ABCG2: variants seen among roughly 807,000 people sequenced by gnomAD.
ABCG2 encodes the protein ATP binding cassette subfamily G member 2 (JR blood group).
In ABCG2, 80 loss-of-function variants were observed where a neutral mutation model predicts 73.5. That is an observed-to-expected ratio of 1.09 (90% CI 0.91 to 1.31). ABCG2 has a LOEUF of 1.31. Ranked by LOEUF, ABCG2 falls within the 50% of genes most tolerant of loss-of-function variation. The pLI, the probability that ABCG2 is intolerant of heterozygous loss-of-function variation, is 0.00. For synonymous variants in ABCG2, 269 were observed against 282.4 expected (o/e 0.95, Z 0.48); for missense variants, 796 against 786.2 (o/e 1.01, Z -0.15).
intron 7 of ABCG2, 103 bp from the exon 8 acceptor site, chr4:88,115,161 C>A: frequency 1.5e-5 from 10 of 678,156 alleles, no homozygotes; most frequent in South Asian, 4.0e-5. Context: ...AAGACAGAAT[C>A]TAATGACTTT....
At chr4:88,191,266 C>T (rs1428477195) in intron 1 of ABCG2, among the ~76,000 whole-genome samples, 13 of 142,578 alleles carry the variant, frequency 9.1e-5, no homozygotes, top group Admixed American at 7.7e-4. Flanking sequence ...AGTGAGACTC[C>T]GTCTCAAAAA....
At chr4:88,113,592 T>C in intron 8 of ABCG2, 39 bp from the exon 9 acceptor site, 12 of 1,596,532 alleles carry the variant, frequency 7.5e-6, no homozygotes, top group Non-Finnish European at 1.0e-5. Flanking sequence ...ACAAACAAGA[T>C]AACAACAAAT....
intron 1 of ABCG2, among the ~76,000 whole-genome samples, chr4:88,185,947 A>C (rs904241066): frequency 2.6e-5 from 4 of 152,194 alleles, no homozygotes; most frequent in African/African-American, 9.6e-5. Context: ...AATAGTTTGG[A>C]GGTTTCTCAA....
At chr4:88,185,960 A>C (rs565335107) in intron 1 of ABCG2, among the ~76,000 whole-genome samples, 7 of 152,324 alleles carry the variant, frequency 4.6e-5, no homozygotes, top group Admixed American at 2.0e-4. Context: ...TTTCTCAAAA[A>C]ACTAAAAATA....
At chr4:88,207,599 C>T (rs1729429123) in intron 1 of ABCG2, among the ~76,000 whole-genome samples, 1 of 152,162 alleles carries the variant, frequency 6.6e-6, no homozygotes, top group Non-Finnish European at 1.5e-5. Context: ...AGCTGGAGTG[C>T]AGTGGCATAA....
At chr4:88,197,123 C>G (rs1254821000) in intron 1 of ABCG2, among the ~76,000 whole-genome samples, 1 of 151,332 alleles carries the variant, frequency 6.6e-6, no homozygotes, top group African/African-American at 2.4e-5. Flanking sequence ...CCCACCCCAC[C>G]TCACCACCAC....
chr4:88,100,551 G>A (rs1023674278), intron 11 of ABCG2, among the ~76,000 whole-genome samples: 36 of 150,788 alleles, frequency 2.4e-4, no homozygotes, highest in African/African-American at 7.1e-4. Flanking sequence ...TCAGGAGGCC[G>A]AGATGGGAGG....
intron 1 of ABCG2, among the ~76,000 whole-genome samples, chr4:88,212,205 C>T (rs993801460): frequency 2.6e-5 from 4 of 152,068 alleles, no homozygotes; most frequent in African/African-American, 4.8e-5. Context: ...CTGAGATGAG[C>T]GACTACCAAA....
rs117968956 is a variant in ABCG2, at chr4:88,167,683, G to T, written c.-19-27669C>A. Among the ~76,000 whole-genome samples, 48 of 152,028 alleles carry T rather than the reference G, an allele frequency of 3.2e-4. 1 individual carries two copies. In the East Asian group the frequency reaches 9.3e-3, roughly 30 times the overall value. On this transcript the variant is annotated intron_variant, in intron 1 of 15. Transcript: ENST00000515655. ...GAGCCACTGCGCCCAGGCTCTTTCT[G>T]CCTTTTAAAGGGCTTATGTGATTAA...
At position 88,131,202 on chromosome 4, in the gene ABCG2, C is replaced by G; in HGVS notation, c.390G>C (p.Val130=). Residue 130 remains valine (V), a synonymous_variant, in exon 5 of 16, where the codon GTG becomes GTC. Coordinates refer to ENST00000237612, the MANE Select transcript of ABCG2 (RefSeq NM_004827.3). The part of the protein sequence containing the change: ...NSGYVVQDDV[V]MGTLTVRENL... ...TTTCTCTCACCGTCAGAGTGCCCAT[C>G]ACAACATCATCCTTAAGGCAAATAG... 1.9e-6 allele frequency: 3 copies of G among 1,614,004 alleles called. No individual in the cohort carries two copies. The South Asian group carries it at 3.3e-5, about 18-fold the overall frequency.
intron 1 of ABCG2, among the ~76,000 whole-genome samples, chr4:88,179,851 T>C (rs1183800892): frequency 2.6e-5 from 4 of 152,152 alleles, no homozygotes; most frequent in African/African-American, 7.2e-5. Flanking sequence ...ACGAGTGAGC[T>C]TGAAGACAGG....
chr4:88,205,956 C>T (rs1025406427), intron 1 of ABCG2, among the ~76,000 whole-genome samples: 1 of 152,216 alleles, frequency 6.6e-6, no homozygotes, highest in African/African-American at 2.4e-5. Context: ...GCTGGAATTA[C>T]AGGCGTGAGC....
intron 1 of ABCG2, among the ~76,000 whole-genome samples, chr4:88,178,622 T>C: frequency 6.6e-6 from 1 of 152,090 alleles, no homozygotes; most frequent in East Asian, 1.9e-4. Flanking sequence ...GCTCTTGGGG[T>C]CCCTGATTCC....
At chr4:88,229,437 G>A (rs1032838090) in intron 1 of ABCG2, among the ~76,000 whole-genome samples, 3 of 152,140 alleles carry the variant, frequency 2.0e-5, no homozygotes, top group Non-Finnish European at 4.4e-5. Context: ...CCAGGAATTC[G>A]AGACCAGCCT....
At chr4:88,140,189 G>T (rs1725535454) in intron 1 of ABCG2, among the ~76,000 whole-genome samples, 175 bp from the exon 2 acceptor site, 1 of 152,162 alleles carries the variant, frequency 6.6e-6, no homozygotes, top group African/African-American at 2.4e-5. Flanking sequence ...TAAATGGGAA[G>T]ACAGGCACAA....
intron 1 of ABCG2, among the ~76,000 whole-genome samples, chr4:88,204,540 T>C (rs1175709764): frequency 6.6e-6 from 1 of 152,246 alleles, no homozygotes; most frequent in Non-Finnish European, 1.5e-5. Context: ...AACTTTGCTA[T>C]AGATATTCAA....
chr4:88,142,225 T>G (rs1725696437), intron 1 of ABCG2, among the ~76,000 whole-genome samples: 1 of 151,824 alleles, frequency 6.6e-6, no homozygotes, highest in Admixed American at 6.6e-5. Context: ...AATGGGTACT[T>G]AGACAGAATC....
At chr4:88,153,417 C>A (rs1036757708) in intron 1 of ABCG2, among the ~76,000 whole-genome samples, 5 of 151,758 alleles carry the variant, frequency 3.3e-5, no homozygotes, top group Non-Finnish European at 5.9e-5. Flanking sequence ...GAAGACAGGC[C>A]CGAATTCTGA....
intron 1 of ABCG2, among the ~76,000 whole-genome samples, chr4:88,205,841 C>T (rs1395582736): frequency 1.3e-5 from 2 of 152,164 alleles, no homozygotes; most frequent in Non-Finnish European, 2.9e-5. Flanking sequence ...CGCCACCACA[C>T]CCGACTAATT....
Sources: allele counts gnomAD v4.1 joint callset (sites outside exome capture counted in the v4.1 genomes callset), GRCh38; gene constraint gnomAD v4.1.1; transcripts MANE v1.5; gene names NCBI Gene and HGNC (gene_info 2026-07-23, HGNC 2026-07-21).